Variants in ATG10 observed in about 807,000 individuals in gnomAD.
ATG10 encodes ubiquitin-like-conjugating enzyme ATG10.
Under a neutral mutation model 32.1 loss-of-function variants are expected in ATG10, and 30 were observed. That is an observed-to-expected ratio of 0.94 (90% CI 0.70 to 1.27). ATG10 has a LOEUF of 1.27. ATG10 is among the 50% of genes most tolerant of loss of function. The pLI is 0.00. For synonymous variants in ATG10, 87 were observed against 91.5 expected, an observed-to-expected ratio of 0.95 and a Z score of 0.28; for missense variants, 233 against 262.3, an observed-to-expected ratio of 0.89 and a Z score of 0.77.
chr5:82,079,156 G>A (rs1174758482), intron 3 of ATG10, among the ~76,000 whole-genome samples: 1 of 152,072 alleles, frequency 6.6e-6, no homozygotes, highest in African/African-American at 2.4e-5. Flanking sequence ...GATGCTCTTT[G>A]GTTATATCTG....
chr5:81,999,589 C>G (rs945781602), intron 2 of ATG10, among the ~76,000 whole-genome samples: 2 of 151,970 alleles, frequency 1.3e-5, no homozygotes, highest in Non-Finnish European at 2.9e-5. Flanking sequence ...ATCAGCAAAT[C>G]TAAGAATTGG....
intron 5 of ATG10, among the ~76,000 whole-genome samples, chr5:82,249,158 G>T (rs987558014): frequency 1.3e-5 from 2 of 152,066 alleles, no homozygotes; most frequent in Non-Finnish European, 2.9e-5. Context: ...GATTACTGAA[G>T]TGTTTTTGAA....
intron 3 of ATG10, among the ~76,000 whole-genome samples, chr5:82,139,594 C>G (rs201544744): frequency 6.0e-5 from 8 of 134,256 alleles, no homozygotes; most frequent in African/African-American, 1.7e-4. Context: ...AGTGAGGAGC[C>G]TCTCCGCCCG....
intron 4 of ATG10, among the ~76,000 whole-genome samples, chr5:82,172,296 G>C (rs1232370360): frequency 6.6e-6 from 1 of 152,142 alleles, no homozygotes. Flanking sequence ...AAAGCGCATG[G>C]TCTAGAGTCA....
chr5:81,993,360 C>CTTTCTTTCTTTCTT, intron 2 of ATG10, among the ~76,000 whole-genome samples: 4 of 46,772 alleles, frequency 8.6e-5, no homozygotes, highest in African/African-American at 3.6e-4. Context: ...TCTTTCTTTC[C>CTTTCTTTCTTTCTT]TTCTTTTCTT....
At chr5:82,009,482 A>T in intron 2 of ATG10, 1 of 782,910 alleles carries the variant, frequency 1.3e-6, no homozygotes, top group Non-Finnish European at 2.1e-6. Flanking sequence ...ACCCAAAGGG[A>T]ACTGCAGCGA....
intron 3 of ATG10, among the ~76,000 whole-genome samples, chr5:82,143,383 G>A (rs1042709799): frequency 2.6e-5 from 4 of 152,232 alleles, no homozygotes; most frequent in African/African-American, 9.6e-5. Flanking sequence ...GGAGGATGTT[G>A]GAGACACGAG....
chr5:82,159,447 T>C (rs549631642), intron 3 of ATG10, among the ~76,000 whole-genome samples: 30 of 152,190 alleles, frequency 2.0e-4, no homozygotes, highest in African/African-American at 7.2e-4. Context: ...GTTGTTTGTA[T>C]CTGCAAGATG....
chr5:82,081,273 T>G (rs951619695), intron 3 of ATG10, among the ~76,000 whole-genome samples: 7 of 152,150 alleles, frequency 4.6e-5, no homozygotes, highest in African/African-American at 1.7e-4. Flanking sequence ...GATGATGAGG[T>G]TTTCTAAATA....
chr5:82,112,085 A>G (rs79963377), intron 3 of ATG10, among the ~76,000 whole-genome samples: 2,009 of 152,082 alleles, frequency 0.013, 28 homozygotes, highest in African/African-American at 0.045. Context: ...ATAAGTAGTT[A>G]CATATGTTGG....
chr5:82,250,869 G>A (rs1485172540), intron 5 of ATG10, among the ~76,000 whole-genome samples: 1 of 152,176 alleles, frequency 6.6e-6, no homozygotes, highest in Non-Finnish European at 1.5e-5. Flanking sequence ...TTAGTTTAAG[G>A]CAGGTAAGGG....
chr5:82,177,565 C>T (rs941713880), intron 4 of ATG10, among the ~76,000 whole-genome samples: 2 of 152,140 alleles, frequency 1.3e-5, no homozygotes, highest in Non-Finnish European at 1.5e-5. Flanking sequence ...ATATTGGATT[C>T]TAGCATTAAG....
intron 5 of ATG10, among the ~76,000 whole-genome samples, chr5:82,235,255 G>T (rs1043498234): frequency 6.6e-6 from 1 of 152,166 alleles, no homozygotes; most frequent in African/African-American, 2.4e-5. Context: ...TCTTTAGTGA[G>T]CATGAGCATT....
At position 82,010,240 on chromosome 5, in the gene ATG10, A is replaced by C. The variant is rs1581594716; in HGVS notation, c.108+22562A>C. On this transcript the variant is annotated intron_variant, in intron 2 of 7. Coordinates refer to ENST00000282185, the MANE Select transcript of ATG10 (RefSeq NM_031482.5). ...GTAAAAATGGAGGGGAAAAATAACC[A>C]ATTATTTCACTTCCTTAATACAATT... 6 of 713,854 alleles carry C rather than the reference A, an allele frequency of 8.4e-6. No homozygotes were observed. In the East Asian group the frequency reaches 1.6e-4, roughly 19 times the overall value. 44.2% of individuals were successfully genotyped at this position (713,854 alleles called of 1,614,324 possible). A position where few individuals can be genotyped will look rare whatever the true frequency, so the allele number is the denominator to read the frequency against.
chr5:82,252,811 A>C (rs888380690), intron 6 of ATG10, 152 bp downstream of exon 6: 2 of 583,390 alleles, frequency 3.4e-6, no homozygotes, highest in Non-Finnish European at 6.0e-6. Context: ...TGCTGTTCTA[A>C]GAGTTTTAGA....
intron 3 of ATG10, among the ~76,000 whole-genome samples, chr5:82,063,492 C>CA (rs1022301420): frequency 3.3e-5 from 5 of 150,748 alleles, no homozygotes; most frequent in African/African-American, 1.2e-4. Flanking sequence ...GAACTGCTAA[C>CA]AATTTTTTTT....
At chr5:82,106,739 A>G (rs1397286780) in intron 3 of ATG10, among the ~76,000 whole-genome samples, 1 of 152,002 alleles carries the variant, frequency 6.6e-6, no homozygotes, top group Non-Finnish European at 1.5e-5. Flanking sequence ...ATGCAAAACA[A>G]TTAAACTATA....
At chr5:82,037,979 T>C (rs1477707443) in intron 2 of ATG10, among the ~76,000 whole-genome samples, 2 of 152,224 alleles carry the variant, frequency 1.3e-5, no homozygotes, top group Non-Finnish European at 2.9e-5. Context: ...TTTTTCTTTC[T>C]TTTTAGTCTT....
At chr5:82,093,294 T>G (rs1046390181) in intron 3 of ATG10, among the ~76,000 whole-genome samples, 34 of 152,338 alleles carry the variant, frequency 2.2e-4, no homozygotes, top group African/African-American at 8.2e-4. Context: ...GTTCATTTCT[T>G]TAGTATTTTT....
Sources: gnomAD v4.1 joint callset for allele counts (sites outside exome capture counted in the v4.1 genomes callset) on GRCh38, gnomAD v4.1.1 for gene constraint, MANE v1.5 for transcripts, NCBI Gene and HGNC (gene_info 2026-07-23, HGNC 2026-07-21) for gene names.